The following CCDC3 variants were observed in gnomAD, a reference collection of about 807,000 sequenced individuals.
The protein encoded by CCDC3 is coiled-coil domain-containing protein 3.
In CCDC3, 24 loss-of-function variants were observed where a neutral mutation model predicts 21.4. The observed-to-expected ratio is 1.12, with a 90% CI of 0.81 to 1.58. The LOEUF is 1.58. Among genes scored for constraint, CCDC3 ranks in the 40% most tolerant of loss-of-function variants. The pLI is 0.00. For synonymous variants in CCDC3, 186 were observed against 166.0 expected (o/e 1.12, Z -0.93); for missense variants, 425 against 360.9 (o/e 1.18, Z -1.44).
rs556398052 is a variant in CCDC3, at chr10:13,059,348, T to A, written c.-269-9407A>T. On this transcript the variant is annotated intron_variant, in intron 4 of 6. Transcript: ENST00000378839. Reference sequence around the variant, plus strand: ...TGCCCTAGAACACCTACTTTGGATATGAGATGAGAAGTAAGTTTTTACTGG... The same window carrying A: ...TGCCCTAGAACACCTACTTTGGATAAGAGATGAGAAGTAAGTTTTTACTGG... Among the ~76,000 whole-genome samples, 8 of 152,304 alleles carry A rather than the reference T, an allele frequency of 5.3e-5. No individual in the cohort carries two copies. The South Asian group carries it at 1.7e-3, about 32-fold the overall frequency.
chr10:12,998,655 C>G, intron 1 of CCDC3, 143 bp from the exon 2 acceptor site: 1 of 694,258 alleles, frequency 1.4e-6, no homozygotes, highest in Non-Finnish European at 2.4e-6. Context: ...GTTACTACTT[C>G]TAATTATTTC....
rs114283374 is a variant in CCDC3, at chr10:12,949,977, A to G, written c.549+48361T>C. 7.2e-3 allele frequency among the ~76,000 whole-genome samples: 1,096 copies of G among 152,274 alleles called. 10 individuals carry two copies. The highest frequency in any genetic ancestry group is 0.025 in the African/African-American group (1,042 of 41,550). The stretch of plus-strand genomic sequence containing the variant: ...ATATCTGTGTGCCTACTTTGGGTTC[A>G]CACACCTGTGTTCTCTCCTAGTTGG... On this transcript the variant is annotated intron_variant, in intron 2 of 2. Coordinates refer to ENST00000378825, the MANE Select transcript of CCDC3 (RefSeq NM_031455.4).
rs78658885 is a variant in CCDC3 at position 13,028,528 on chromosome 10, T to G, written c.-2+21146A>C. The stretch of plus-strand genomic sequence containing the variant: ...CTCATTGGGATTTTGAGTTAATTTT[T>G]TTCCTAATGTGAGAACTACTCAATT... On this transcript the variant is annotated intron_variant, in intron 5 of 6. Coordinates refer to the CCDC3 transcript ENST00000378839. Among the ~76,000 whole-genome samples, 447 of 152,220 alleles carry G rather than the reference T, an allele frequency of 2.9e-3. 3 individuals carry two copies. The highest frequency in any genetic ancestry group is 0.01 in the African/African-American group (436 of 41,552).
intron 2 of CCDC3, among the ~76,000 whole-genome samples, chr10:12,969,510 C>T (rs7900447): frequency 0.4 from 61,245 of 151,298 alleles, 12,690 homozygotes; most frequent in East Asian, 0.56. Flanking sequence ...ACATAAGATT[C>T]AGAAGCTTAC....
intron 2 of CCDC3, among the ~76,000 whole-genome samples, chr10:12,919,113 T>C (rs997179462): frequency 1.2e-4 from 18 of 152,156 alleles, no homozygotes; most frequent in African/African-American, 4.3e-4. Flanking sequence ...TATAGTATGT[T>C]ACCATACAGT....
rs1834027360 is a variant in CCDC3 at position 12,898,016 on chromosome 10, T to G, written c.*400A>C. 2 of 175,764 alleles carry G rather than the reference T, an allele frequency of 1.1e-5. No homozygotes were observed. The highest frequency in any genetic ancestry group is 2.4e-5 in the Non-Finnish European group (2 of 81,758). The allele number at this position is 175,764 out of a possible 1,614,324, so 10.9% of individuals were successfully genotyped here. A position where few individuals can be genotyped will look rare whatever the true frequency, so the allele number is the denominator to read the frequency against. ...CACTCATCAGGACTAATGGTTGTCCTGGACTGGGGAGCTGGGAACCACCCT... is the reference window on the plus strand; with the variant it reads ...CACTCATCAGGACTAATGGTTGTCCGGGACTGGGGAGCTGGGAACCACCCT... On this transcript the variant is annotated 3_prime_UTR_variant, in exon 3 of 3. Coordinates refer to ENST00000378825, the MANE Select transcript of CCDC3 (RefSeq NM_031455.4).
intron 5 of CCDC3, among the ~76,000 whole-genome samples, chr10:13,020,998 G>A (rs1489052474): frequency 6.6e-6 from 1 of 152,214 alleles, no homozygotes; most frequent in Admixed American, 6.5e-5. Flanking sequence ...GAATCAATAT[G>A]TCCTGTACCT....
At position 12,923,207 on chromosome 10, in the gene CCDC3, G is replaced by A. The variant is rs189517949; in HGVS notation, c.550-24528C>T. Among the ~76,000 whole-genome samples, 356 of 152,238 alleles carry A rather than the reference G, an allele frequency of 2.3e-3. 1 individual carries two copies. Among genetic ancestry groups the A allele is most frequent in the Middle Eastern group, 6.8e-3 (2 of 294 alleles). ...GGAAAGTAATCTCTGGGTGCTGTTC[G>A]TCTGTTTGGGGAACACAGGTCAGTA... On this transcript the variant is annotated intron_variant, in intron 2 of 2. Transcript: ENST00000378825.
At chr10:12,941,232 C>A (rs933631549) in intron 2 of CCDC3, among the ~76,000 whole-genome samples, 3 of 152,158 alleles carry the variant, frequency 2.0e-5, no homozygotes, top group Non-Finnish European at 4.4e-5. Context: ...TTTAGAAATG[C>A]CAAGGCCACA....
chr10:13,090,036 T>TAG (rs1188514602), intron 3 of CCDC3, among the ~76,000 whole-genome samples: 226 of 1,836 alleles, frequency 0.12, 3 homozygotes, highest in African/African-American at 0.13. Context: ...TTCCGTTAGA[T>TAG]ATATATATAT....
chr10:12,981,820 T>C (rs531377408), intron 2 of CCDC3, among the ~76,000 whole-genome samples: 6 of 151,998 alleles, frequency 3.9e-5, no homozygotes, highest in Non-Finnish European at 8.8e-5. Flanking sequence ...TGATTATCCA[T>C]GAGTTAAAAA....
intron 4 of CCDC3, among the ~76,000 whole-genome samples, chr10:13,059,214 C>T (rs898345131): frequency 6.6e-6 from 1 of 152,168 alleles, no homozygotes; most frequent in Non-Finnish European, 1.5e-5. Flanking sequence ...CGGGTGACGC[C>T]AAGGCAACCT....
intron 2 of CCDC3, among the ~76,000 whole-genome samples, chr10:12,977,304 G>GGGAAAGGAAA (rs374007338): frequency 1.3e-5 from 2 of 151,398 alleles, no homozygotes; most frequent in South Asian, 2.1e-4. Flanking sequence ...GAAAGGAAAG[G>GGGAAAGGAAA]GGAAAGGAAA....
chr10:12,989,290 C>G lies in CCDC3; in HGVS notation c.549+9048G>C, dbSNP rs768977720. Among the ~76,000 whole-genome samples the G allele has an allele frequency of 7.2e-5, 11 of 152,346 alleles. No individual in the cohort carries two copies. In the East Asian group the frequency reaches 1.3e-3, roughly 19 times the overall value. On this transcript the variant is annotated intron_variant, in intron 2 of 2. Transcript: ENST00000378825. Reference sequence around the variant, plus strand: ...ACCATTAAATCCCCCATTCCTTAAGCCCTCGGCTCAGTCAATACCTCCCTT... The same window carrying G: ...ACCATTAAATCCCCCATTCCTTAAGGCCTCGGCTCAGTCAATACCTCCCTT...
intron 4 of CCDC3, among the ~76,000 whole-genome samples, chr10:13,055,381 G>C (rs540418047): frequency 6.3e-4 from 95 of 151,878 alleles, no homozygotes; most frequent in Non-Finnish European, 1.2e-3. Context: ...ACCCAGGCTG[G>C]AGTGCAGAGG....
At chr10:13,030,521 G>GATTTA (rs1564326251) in intron 5 of CCDC3, among the ~76,000 whole-genome samples, 113 of 152,276 alleles carry the variant, frequency 7.4e-4, no homozygotes, top group African/African-American at 2.6e-3. Context: ...TAGGCTAAAT[G>GATTTA]CTCCAATTAA....
chr10:13,031,143 G>A (rs1305722949), intron 5 of CCDC3, among the ~76,000 whole-genome samples: 2 of 152,104 alleles, frequency 1.3e-5, no homozygotes, highest in South Asian at 2.1e-4. Flanking sequence ...ATAACAAACT[G>A]TCTCTCAGAC....
At chr10:13,036,794 AT>A (rs35674867) in intron 5 of CCDC3, among the ~76,000 whole-genome samples, 258 of 144,710 alleles carry the variant, frequency 1.8e-3, no homozygotes, top group African/African-American at 2.5e-3. Context: ...TCTTATGTAC[AT>A]TTTTTTTTTT....
intron 5 of CCDC3, among the ~76,000 whole-genome samples, chr10:13,015,057 C>T (rs917415660): frequency 1.3e-5 from 2 of 152,072 alleles, no homozygotes; most frequent in African/African-American, 4.8e-5. Context: ...TTTAAACATT[C>T]TAAAAGGCAT....
Sources: allele counts gnomAD v4.1 joint callset (sites outside exome capture counted in the v4.1 genomes callset), GRCh38; gene constraint gnomAD v4.1.1; transcripts MANE v1.5; gene names NCBI Gene and HGNC (gene_info 2026-07-23, HGNC 2026-07-21).